The following ANKS1A variants were observed in gnomAD, a reference collection of about 807,000 sequenced individuals.
ANKS1A encodes the protein ankyrin repeat and sterile alpha motif domain containing 1A.
ANKS1A carries 55 observed loss-of-function variants against 120.3 expected under a neutral mutation model. The ratio of observed to expected loss-of-function variants is 0.46; its 90% CI spans 0.37 to 0.57. ANKS1A has a LOEUF of 0.57. ANKS1A is among the 20% of genes least tolerant of loss of function. The pLI, the probability that ANKS1A is intolerant of heterozygous loss-of-function variation, is 0.00. For synonymous variants in ANKS1A, 590 were observed against 604.7 expected (o/e 0.98, Z 0.36); for missense variants, 1,123 against 1,480.3 (o/e 0.76, Z 3.96).
chr6:35,088,303 G>A (rs1778103473), intron 23 of ANKS1A, among the ~76,000 whole-genome samples: 1 of 152,194 alleles, frequency 6.6e-6, no homozygotes. Flanking sequence ...GGCGCCCATA[G>A]GCAGCCGTGC....
intron 1 of ANKS1A, among the ~76,000 whole-genome samples, chr6:34,953,353 G>A (rs1317075576): frequency 6.6e-6 from 1 of 152,282 alleles, no homozygotes; most frequent in East Asian, 1.9e-4. Flanking sequence ...AGTTCCCTGA[G>A]GAGAGTTTTG....
chr6:35,016,910 A>G (rs1774038491), intron 10 of ANKS1A, among the ~76,000 whole-genome samples: 1 of 147,372 alleles, frequency 6.8e-6, no homozygotes, highest in African/African-American at 2.5e-5. Flanking sequence ...GAATTCCAGA[A>G]GTTGCAGGTT....
intron 10 of ANKS1A, among the ~76,000 whole-genome samples, chr6:34,995,566 A>G (rs963259413): frequency 2.0e-5 from 3 of 151,922 alleles, no homozygotes; most frequent in Non-Finnish European, 2.9e-5. Flanking sequence ...TTTGTAGTCA[A>G]CCCCTCTACC....
intron 1 of ANKS1A, among the ~76,000 whole-genome samples, chr6:34,930,963 GC>G (rs997192974): frequency 5.3e-5 from 8 of 149,858 alleles, no homozygotes; most frequent in South Asian, 2.1e-4. Flanking sequence ...TACAACCTCT[GC>G]CCCCTGGGTT....
intron 13 of ANKS1A, among the ~76,000 whole-genome samples, chr6:35,078,293 G>C (rs1777470380): frequency 6.6e-6 from 1 of 152,104 alleles, no homozygotes. Context: ...ACTTGTGGCT[G>C]GGCCTGGGCA....
chr6:35,074,080 G>T (rs1241441774), intron 13 of ANKS1A, among the ~76,000 whole-genome samples: 2 of 152,244 alleles, frequency 1.3e-5, no homozygotes, highest in Non-Finnish European at 2.9e-5. Flanking sequence ...GCTGGCCAAG[G>T]TCTGGTTAGC....
chr6:35,002,534 T>C (rs1581627679), intron 10 of ANKS1A, among the ~76,000 whole-genome samples: 1 of 152,168 alleles, frequency 6.6e-6, no homozygotes, highest in Non-Finnish European at 1.5e-5. Context: ...AGTCCTATTA[T>C]TTTATAGTTA....
intron 3 of ANKS1A, among the ~76,000 whole-genome samples, chr6:34,977,529 T>C (rs1370497287): frequency 6.6e-6 from 1 of 152,174 alleles, no homozygotes; most frequent in Non-Finnish European, 1.5e-5. Flanking sequence ...GTATTTTAAT[T>C]ATTTGCTTGT....
chr6:34,928,799 A>G (rs573770441), intron 1 of ANKS1A, among the ~76,000 whole-genome samples: 2 of 152,310 alleles, frequency 1.3e-5, no homozygotes, highest in Non-Finnish European at 2.9e-5. Flanking sequence ...TCAGTTAGCC[A>G]GAGCTGCCAT....
At chr6:35,071,815 C>T (rs923225378) in intron 13 of ANKS1A, among the ~76,000 whole-genome samples, 2 of 152,228 alleles carry the variant, frequency 1.3e-5, no homozygotes, top group Admixed American at 1.3e-4. Flanking sequence ...AGCCTTCCTG[C>T]GGTCCTGCCA....
intron 1 of ANKS1A, among the ~76,000 whole-genome samples, chr6:34,922,016 C>CTTT (rs558428378): frequency 0.083 from 11,011 of 133,452 alleles, 996 homozygotes; most frequent in African/African-American, 0.22. Context: ...AATTGACTTC[C>CTTT]TTTTTTTTTT....
At chr6:35,046,737 T>C (rs1775738542) in intron 11 of ANKS1A, among the ~76,000 whole-genome samples, 1 of 152,230 alleles carries the variant, frequency 6.6e-6, no homozygotes, top group Admixed American at 6.5e-5. Context: ...TAACTAGAGT[T>C]CGATGTTTGT....
Position 34,994,426 on chromosome 6 carries a change from C to T in ANKS1A, c.1423+4C>T, listed in dbSNP as rs143909409. On this transcript the variant is annotated splice_donor_region_variant and intron_variant, in intron 10 of 23. Transcript: ENST00000360359. ...TTGGTGGATGGAAAAACAAAAGGTACGTTCCCCACAACTCCTGGCAGAACC... is the reference window on the plus strand; with the variant it reads ...TTGGTGGATGGAAAAACAAAAGGTATGTTCCCCACAACTCCTGGCAGAACC... 4 of 1,609,560 alleles carry T rather than the reference C, an allele frequency of 2.5e-6. No homozygotes were observed. The highest frequency in any genetic ancestry group is 1.7e-5 in the Admixed American group (1 of 59,872).
At chr6:35,009,091 T>C (rs1045930684) in intron 10 of ANKS1A, among the ~76,000 whole-genome samples, 3 of 152,178 alleles carry the variant, frequency 2.0e-5, no homozygotes, top group African/African-American at 7.2e-5. Context: ...TGAGGCTTTT[T>C]GAATCCGGCG....
intron 1 of ANKS1A, among the ~76,000 whole-genome samples, chr6:34,920,966 G>C (rs980623325): frequency 6.6e-6 from 1 of 152,166 alleles, no homozygotes; most frequent in South Asian, 2.1e-4. Context: ...CTGCTGGGGA[G>C]GTACTGAGTT....
At chr6:35,030,207 T>C (rs2127569179) in intron 11 of ANKS1A, among the ~76,000 whole-genome samples, 1 of 152,370 alleles carries the variant, frequency 6.6e-6, no homozygotes, top group South Asian at 2.1e-4. Flanking sequence ...ACCCAAATTA[T>C]TGCAGCTTTA....
Position 35,024,790 on chromosome 6 carries a change from C to T in ANKS1A, c.2010+6731C>T, listed in dbSNP as rs560551278. Reference sequence around the variant, plus strand: ...TCAAGAGACAAGCTGATTGGTTCAACTCCATAGAGGCTTTGGCTGCTTTTA... The same window carrying T: ...TCAAGAGACAAGCTGATTGGTTCAATTCCATAGAGGCTTTGGCTGCTTTTA... On this transcript the variant is annotated intron_variant, in intron 11 of 23. Coordinates refer to ENST00000360359, the MANE Select transcript of ANKS1A (RefSeq NM_015245.3). Among the ~76,000 whole-genome samples the T allele has an allele frequency of 2.7e-4, 41 of 152,360 alleles. No individual in the cohort carries two copies. The South Asian group carries it at 7.0e-3, about 26-fold the overall frequency.
At chr6:35,004,824 A>G (rs1773369544) in intron 10 of ANKS1A, among the ~76,000 whole-genome samples, 1 of 152,248 alleles carries the variant, frequency 6.6e-6, no homozygotes, top group Non-Finnish European at 1.5e-5. Context: ...ACAGAGTTAA[A>G]AAAGAAAGAA....
intron 8 of ANKS1A, among the ~76,000 whole-genome samples, chr6:34,987,958 T>C (rs909871120): frequency 6.6e-6 from 1 of 152,206 alleles, no homozygotes; most frequent in African/African-American, 2.4e-5. Flanking sequence ...GACCAGGGCT[T>C]TGGAATATAA....
Sources: allele counts gnomAD v4.1 joint callset (sites outside exome capture counted in the v4.1 genomes callset), GRCh38; gene constraint gnomAD v4.1.1; transcripts MANE v1.5; gene names NCBI Gene and HGNC (gene_info 2026-07-23, HGNC 2026-07-21).